The following SLC6A12 variants were observed in gnomAD, a reference collection of about 807,000 sequenced individuals.
SLC6A12 encodes solute carrier family 6 member 12.
Under a neutral mutation model 73.3 loss-of-function variants are expected in SLC6A12, and 50 were observed. The observed-to-expected ratio is 0.68, with a 90% CI of 0.54 to 0.86. The LOEUF (loss-of-function observed/expected upper bound fraction) is 0.86. Among genes scored for constraint, SLC6A12 ranks in the 40% least tolerant of loss-of-function variants. The pLI, the probability that SLC6A12 is intolerant of heterozygous loss-of-function variation, is 0.00. For missense variants in SLC6A12, 648 were observed against 772.8 expected, an observed-to-expected ratio of 0.84 and a Z score of 1.92; for synonymous variants, 304 against 309.2, an observed-to-expected ratio of 0.98 and a Z score of 0.18.
rs1940036834 is a variant in SLC6A12 at position 198,452 on chromosome 12, TGCTCAGGAG to T, written c.846+336_846+344del. 6.6e-6 allele frequency among the ~76,000 whole-genome samples: 1 copy of T among 152,300 alleles called. No individual in the cohort carries two copies. Among genetic ancestry groups the T allele is most frequent in the African/African-American group, 2.4e-5 (1 of 41,568 alleles). On this transcript the variant is annotated intron_variant, in intron 8 of 15. Transcript: ENST00000684302. This position sits in a 1 kb window ranked among gnomAD's most constrained non-coding sequence, Gnocchi z 4.0. ...CATGGCTCATGCCTGCAGTCCCAGC[TGCTCAGGAG>T]GCTGAGGCGAGAGAATGCCTTGAGC...
intron 2 of SLC6A12, among the ~76,000 whole-genome samples, chr12:210,922 CTTAG>C (rs1414482709): frequency 1.3e-5 from 2 of 152,234 alleles, no homozygotes; most frequent in African/African-American, 4.8e-5. Context: ...GTGGGGCATT[CTTAG>C]TTCTACTCTC....
intron 6 of SLC6A12, chr12:201,318 G>A (rs1047745799): frequency 1.9e-5 from 4 of 212,524 alleles, no homozygotes; most frequent in South Asian, 8.2e-5. Context: ...GAAGGGGTAC[G>A]TTGTCAGGTG....
In SLC6A12 at chr12:200,170, G is replaced by A. The variant is rs554535676; in HGVS notation, c.711+481C>T. On this transcript the variant is annotated intron_variant, in intron 7 of 15. Coordinates refer to ENST00000684302, the MANE Select transcript of SLC6A12 (RefSeq NM_001122848.3). ...GTCGCCCAGGCTGGAGTGCAGTGGC[G>A]CTATCTCGGCTCACTGCAAGCTCCG... 1.5e-3 allele frequency among the ~76,000 whole-genome samples: 210 copies of A among 142,174 alleles called. 1 individual carries two copies. The highest frequency in any genetic ancestry group is 3.9e-3 in the Middle Eastern group (1 of 258). The allele number at this position is 142,174 out of a possible 152,430, so 93.3% of individuals were successfully genotyped here. A position where few individuals can be genotyped will look rare whatever the true frequency, so the allele number is the denominator to read the frequency against.
intron 2 of SLC6A12, 180 bp from the exon 3 acceptor site, chr12:210,223 C>T (rs1565480355): frequency 8.7e-7 from 1 of 1,155,582 alleles, no homozygotes. Context: ...TCTGAGTTTG[C>T]AGATGAGGAA....
intron 11 of SLC6A12, among the ~76,000 whole-genome samples, 177 bp from the exon 12 acceptor site, chr12:196,438 A>G (rs543920380): frequency 3.3e-5 from 5 of 152,158 alleles, no homozygotes; most frequent in Non-Finnish European, 5.9e-5. Context: ...CTACAACTCC[A>G]TGACAAAGAG....
At chr12:186,537 C>T (rs1939433225), downstream of SLC6A12, among the ~76,000 whole-genome samples, 1 of 152,236 alleles carries the variant, frequency 6.6e-6, no homozygotes, top group Non-Finnish European at 1.5e-5. Context: ...CCTGTGTCAG[C>T]CAGGGCTGCT....
chr12:196,081 C>T (rs775767301), intron 12 of SLC6A12, 43 bp downstream of exon 12: 1 of 1,543,116 alleles, frequency 6.5e-7, no homozygotes, highest in Admixed American at 2.0e-5. Context: ...CCCGTGGCTC[C>T]CTCCCCTGGA....
rs1263712908 is a variant in SLC6A12 at position 196,090 on chromosome 12, G to C, written c.1326+34C>G. The C allele has an allele frequency of 1.9e-6, 3 of 1,548,266 alleles. No homozygotes were observed. The East Asian group carries it at 7.3e-5, about 38-fold the overall frequency. On this transcript the variant is annotated intron_variant, in intron 12 of 15. Coordinates refer to ENST00000684302, the MANE Select transcript of SLC6A12 (RefSeq NM_001122848.3). ...GTGTCCCCCGTGGCTCCCTCCCCTG[G>C]AGCCTGGCCTGCAGGCCGGCGGCCG...
At chr12:210,409 G>T in intron 2 of SLC6A12, 1 of 1,088,928 alleles carries the variant, frequency 9.2e-7, no homozygotes, top group South Asian at 2.7e-5. Flanking sequence ...CCTCAGCCTA[G>T]CCTCTGGCCT....
downstream of SLC6A12, among the ~76,000 whole-genome samples, chr12:186,881 G>A (rs531414425): frequency 2.4e-4 from 37 of 152,322 alleles, no homozygotes; most frequent in East Asian, 4.2e-3. Context: ...GCTGGAGCCT[G>A]TGGTAACCCT....
chr12:210,999 A>G lies in SLC6A12; in HGVS notation c.-57-956T>C, dbSNP rs1940883276. On this transcript the variant is annotated intron_variant, in intron 2 of 15. Transcript: ENST00000684302. ...TCCGCTTCTGTCAGGGTGTATCTCC[A>G]ATCTATGTTTGCCTTCTCCTCCCTC... The G allele has an allele frequency of 2.0e-5, 3 of 151,010 alleles. No homozygotes were observed. In the South Asian group the frequency reaches 6.4e-4, roughly 32 times the overall value. 9.4% of individuals were successfully genotyped at this position (151,010 alleles called of 1,614,324 possible).
In SLC6A12 at chr12:190,819, G is replaced by C. The variant is rs1189390251; in HGVS notation, c.*249C>G. On this transcript the variant is annotated 3_prime_UTR_variant, in exon 16 of 16. Coordinates refer to ENST00000684302, the MANE Select transcript of SLC6A12 (RefSeq NM_001122848.3). ...AAAGACCCCCCTTTATAAAAACGAT[G>C]GTGCCTTCCCACAGGGAGTGGCGTC... 2.9e-6 allele frequency: 1 copy of C among 342,600 alleles called. No individual in the cohort carries two copies. Among genetic ancestry groups the C allele is most frequent in the Non-Finnish European group, 5.2e-6 (1 of 191,074 alleles). The allele number at this position is 342,600 out of a possible 1,614,324, so 21.2% of individuals were successfully genotyped here.
Position 190,854 on chromosome 12 carries a change from C to T in SLC6A12, c.*214G>A, listed in dbSNP as rs74615749. Reference sequence around the variant, plus strand: ...CACAGGGAGTGGCGTCCCAACATGGCACGTCCCAGTGGTGGTGTTATCAGC... The same window carrying T: ...CACAGGGAGTGGCGTCCCAACATGGTACGTCCCAGTGGTGGTGTTATCAGC... On this transcript the variant is annotated 3_prime_UTR_variant, in exon 16 of 16. Coordinates refer to ENST00000684302, the MANE Select transcript of SLC6A12 (RefSeq NM_001122848.3). 11,016 of 383,326 alleles carry T rather than the reference C, an allele frequency of 0.029. 189 individuals carry two copies. The highest frequency in any genetic ancestry group is 0.047 in the African/African-American group (2,293 of 48,312). The allele number at this position is 383,326 out of a possible 1,614,324, so 23.7% of individuals were successfully genotyped here.
Position 202,821 on chromosome 12 carries a change from GGAT to G in SLC6A12, c.406_408del (p.Ile136del), listed in dbSNP as rs759641597. 6.2e-7 allele frequency: 1 copy of G among 1,613,882 alleles called. No homozygotes were observed. The highest frequency in any genetic ancestry group is 8.5e-7 in the Non-Finnish European group (1 of 1,179,812). On this transcript the variant is annotated inframe_deletion, in exon 5 of 16. Coordinates refer to ENST00000684302, the MANE Select transcript of SLC6A12 (RefSeq NM_001122848.3). ...AACAGGTAGAAGAGAGCCCAGGCAAGGATGATGATGTAGTAGACATTCAAATAT... is the reference window on the plus strand; with the variant it reads ...AACAGGTAGAAGAGAGCCCAGGCAAGGATGATGTAGTAGACATTCAAATAT...
intron 11 of SLC6A12, 139 bp downstream of exon 11, chr12:196,631 C>A (rs1939881441): frequency 1.5e-6 from 1 of 685,676 alleles, no homozygotes; most frequent in Admixed American, 2.4e-5. Flanking sequence ...CCCCCAACCC[C>A]AAGGAAAAGC....
intron 7 of SLC6A12, among the ~76,000 whole-genome samples, chr12:200,314 T>C (rs1030685289): frequency 3.3e-5 from 5 of 151,788 alleles, no homozygotes; most frequent in African/African-American, 4.9e-5. Context: ...TTTACCGTGT[T>C]AGCCAGGATG....
In SLC6A12 at chr12:213,077, G is replaced by C. The variant is rs996868582; in HGVS notation, c.-143+845C>G. 6.6e-6 allele frequency among the ~76,000 whole-genome samples: 1 copy of C among 152,176 alleles called. No homozygotes were observed. Among genetic ancestry groups the C allele is most frequent in the Non-Finnish European group, 1.5e-5 (1 of 68,030 alleles). The stretch of plus-strand genomic sequence containing the variant: ...AGAGGCCCAGCTGGGGCTAGCAGAG[G>C]TGCAGACGAGACCAGAAATGCTGCT... On this transcript the variant is annotated intron_variant, in intron 1 of 15. Transcript: ENST00000684302. This position sits in a 1 kb window ranked among gnomAD's most constrained non-coding sequence, Gnocchi z 5.3.
chr12:187,638 A>G (rs1407100663), downstream of SLC6A12, among the ~76,000 whole-genome samples: 10 of 124,900 alleles, frequency 8.0e-5, no homozygotes, highest in South Asian at 2.8e-4. Flanking sequence ...AAAACAAACC[A>G]CACACACAGC....
At chr12:211,411 A>G (rs1940899974) in intron 2 of SLC6A12, among the ~76,000 whole-genome samples, 1 of 152,212 alleles carries the variant, frequency 6.6e-6, no homozygotes, top group Non-Finnish European at 1.5e-5. Flanking sequence ...ATTGGGACCT[A>G]CTCAGAGCCT....
Sources: gnomAD v4.1 joint callset for allele counts (sites outside exome capture counted in the v4.1 genomes callset) on GRCh38, gnomAD v4.1.1 for gene constraint, Gnocchi (gnomAD v3.1) non-coding constraint, MANE v1.5 for transcripts, NCBI Gene and HGNC (gene_info 2026-07-23, HGNC 2026-07-21) for gene names.